ZSCAN5A: variants seen among roughly 807,000 people sequenced by gnomAD.
ZSCAN5A encodes the protein zinc finger and SCAN domain-containing protein 5A.
A neutral mutation model predicts 23.7 loss-of-function variants in ZSCAN5A; 12 were observed. The observed-to-expected ratio is 0.51, with a 90% confidence interval of 0.32 to 0.82. ZSCAN5A has a LOEUF of 0.82. ZSCAN5A is among the 40% of genes least tolerant of loss of function. The probability of loss-of-function intolerance (pLI) is 0.03; values close to 1 mark genes in which losing one functional copy is unlikely to be tolerated. For synonymous variants in ZSCAN5A, 257 were observed against 239.9 expected (o/e 1.07, Z -0.66); for missense variants, 597 against 617.9 (o/e 0.97, Z 0.36).
chr19:56,247,031 G>T lies in ZSCAN5A; in HGVS notation c.-127-21858C>A, dbSNP rs536502028. 1.4e-5 allele frequency: 13 copies of T among 897,068 alleles called. No individual in the cohort carries two copies. In the East Asian group the frequency reaches 2.9e-4, roughly 20 times the overall value. The allele number at this position is 897,068 out of a possible 1,614,324, so 55.6% of individuals were successfully genotyped here. On this transcript the variant is annotated intron_variant, in intron 2 of 5. Coordinates refer to ENST00000683990, the MANE Select transcript of ZSCAN5A (RefSeq NM_001322064.3). ...GCAGGTGCAGTCAGTCACCCCAATG[G>T]CCAAGAAGCCAAGGAACTGCTGCCC...
At chr19:56,349,435 G>A (rs1019146096) in intron 2 of ZSCAN5A, among the ~76,000 whole-genome samples, 4 of 152,098 alleles carry the variant, frequency 2.6e-5, no homozygotes, top group African/African-American at 4.8e-5. Context: ...GGTGGCTCAC[G>A]CCTGTAATCC....
intron 2 of ZSCAN5A, among the ~76,000 whole-genome samples, chr19:56,239,731 T>G (rs1251741400): frequency 6.6e-6 from 1 of 152,268 alleles, no homozygotes. Context: ...TTCAATATAC[T>G]GACATTAATA....
chr19:56,321,665 A>G lies in ZSCAN5A; in HGVS notation c.-357-5397T>C. 3 of 1,237,468 alleles carry G rather than the reference A, an allele frequency of 2.4e-6. No individual in the cohort carries two copies. In the South Asian group the frequency reaches 3.6e-5, roughly 15 times the overall value. The allele number at this position is 1,237,468 out of a possible 1,614,324, so 76.7% of individuals were successfully genotyped here. A position where few individuals can be genotyped will look rare whatever the true frequency, so the allele number is the denominator to read the frequency against. On this transcript the variant is annotated intron_variant, in intron 2 of 6. Coordinates refer to the ZSCAN5A transcript ENST00000587340. The stretch of plus-strand genomic sequence containing the variant: ...GTTATGTCGTCCATCATAGTAGACA[A>G]TTCCTCCTACCAGTTTGTCCTTCTG...
At chr19:56,345,706 A>C (rs1475193854) in intron 2 of ZSCAN5A, among the ~76,000 whole-genome samples, 1 of 152,190 alleles carries the variant, frequency 6.6e-6, no homozygotes, top group Non-Finnish European at 1.5e-5. Flanking sequence ...TCTGGGCAGA[A>C]ACCCACACTG....
At chr19:56,302,178 G>A (rs962481927) in intron 2 of ZSCAN5A, 1 of 1,073,988 alleles carries the variant, frequency 9.3e-7, no homozygotes, top group African/African-American at 1.6e-5. Flanking sequence ...GGAAGCGAAG[G>A]AGGGTGCCTC....
intron 2 of ZSCAN5A, among the ~76,000 whole-genome samples, chr19:56,234,813 G>A (rs2034746891): frequency 6.6e-6 from 1 of 152,212 alleles, no homozygotes; most frequent in Non-Finnish European, 1.5e-5. Flanking sequence ...CTCACTCGTG[G>A]AGCTCGGATT....
rs2040432415 is a variant in ZSCAN5A at position 56,302,782 on chromosome 19, T to C, written c.-128+10501A>G. 3 of 394,598 alleles carry C rather than the reference T, an allele frequency of 7.6e-6. No homozygotes were observed. In the South Asian group the frequency reaches 3.9e-4, roughly 51 times the overall value. The allele number at this position is 394,598 out of a possible 1,614,324, so 24.4% of individuals were successfully genotyped here. The stretch of plus-strand genomic sequence containing the variant: ...GCACTAACACAGCCCCAGGGGCTCC[T>C]TTGAAATACTGTCACTCATTCTGCC... On this transcript the variant is annotated intron_variant, in intron 2 of 5. Transcript: ENST00000683990.
intron 4 of ZSCAN5A, 90 bp from the exon 5 acceptor site, chr19:56,222,831 CTCT>C: frequency 6.4e-7 from 1 of 1,574,330 alleles, no homozygotes; most frequent in South Asian, 1.1e-5. Flanking sequence ...GATGCAACAA[CTCT>C]TCTAATGACA....
At chr19:56,284,119 G>T (rs1368986201) in intron 2 of ZSCAN5A, 1 of 981,986 alleles carries the variant, frequency 1.0e-6, no homozygotes, top group Non-Finnish European at 1.2e-6. Flanking sequence ...TCGTCTTTGT[G>T]ACCTCTTGGG....
chr19:56,336,259 A>G (rs1568757659), intron 2 of ZSCAN5A, among the ~76,000 whole-genome samples: 2 of 152,068 alleles, frequency 1.3e-5, no homozygotes, highest in Non-Finnish European at 2.9e-5. Flanking sequence ...ATAGTCCCAT[A>G]TTTCTTGGAG....
chr19:56,277,592 T>A (rs1211623181), intron 2 of ZSCAN5A, among the ~76,000 whole-genome samples: 1 of 152,028 alleles, frequency 6.6e-6, no homozygotes, highest in Non-Finnish European at 1.5e-5. Context: ...TTGGGGTGAT[T>A]AAAGCCTCTA....
intron 2 of ZSCAN5A, chr19:56,320,357 TC>T: frequency 2.8e-6 from 1 of 352,294 alleles, no homozygotes; most frequent in African/African-American, 2.1e-5. Flanking sequence ...AGAAACCCAA[TC>T]TCTACTAAAA....
rs554546962 is a variant in ZSCAN5A, at chr19:56,352,633, C to T, written c.-358+10602G>A. ...TTTGTAGACAATTATCAAAGTAAGG[C>T]GGTCAGTGGGTGGGAAATTACAAAG... On this transcript the variant is annotated intron_variant, in intron 2 of 6. Coordinates refer to the ZSCAN5A transcript ENST00000587340. The surrounding 1 kb of genome is among the most constrained non-coding windows in gnomAD (Gnocchi z 4.2). 5.3e-5 allele frequency among the ~76,000 whole-genome samples: 8 copies of T among 152,196 alleles called. No individual in the cohort carries two copies. In the South Asian group the frequency reaches 6.2e-4, roughly 12 times the overall value.
chr19:56,276,506 C>CTTCTT (rs1555802032), intron 2 of ZSCAN5A, among the ~76,000 whole-genome samples: 1 of 139,736 alleles, frequency 7.2e-6, no homozygotes, highest in Non-Finnish European at 1.5e-5. Flanking sequence ...CTAAAGAGCT[C>CTTCTT]TTTTTTTTTT....
At chr19:56,353,363 A>G (rs963657721) in intron 2 of ZSCAN5A, among the ~76,000 whole-genome samples, 1 of 152,212 alleles carries the variant, frequency 6.6e-6, no homozygotes, top group Non-Finnish European at 1.5e-5. Flanking sequence ...TATTCTGTGC[A>G]TTAAGACTAT....
intron 2 of ZSCAN5A, among the ~76,000 whole-genome samples, chr19:56,234,321 C>T (rs754082150): frequency 6.6e-6 from 1 of 152,142 alleles, no homozygotes; most frequent in Non-Finnish European, 1.5e-5. Flanking sequence ...AAAGAGAAAA[C>T]GTTTGCAGCC....
At chr19:56,350,640 C>T (rs965642056) in intron 2 of ZSCAN5A, among the ~76,000 whole-genome samples, 2 of 151,994 alleles carry the variant, frequency 1.3e-5, no homozygotes, top group South Asian at 4.1e-4. Context: ...TAATGTACAC[C>T]GACATCTAGT....
At chr19:56,322,899 T>C (rs538100923) in intron 2 of ZSCAN5A, among the ~76,000 whole-genome samples, 12 of 145,416 alleles carry the variant, frequency 8.3e-5, no homozygotes, top group African/African-American at 3.0e-4. Flanking sequence ...TTTCTTTTTT[T>C]TTTTTTTTTT....
At chr19:56,342,779 GAT>G in intron 2 of ZSCAN5A, 1 of 725,138 alleles carries the variant, frequency 1.4e-6, no homozygotes, top group Non-Finnish European at 2.5e-6. Flanking sequence ...CATACACGGA[GAT>G]ACAGAGTACT....
Sources: allele counts gnomAD v4.1 joint callset (sites outside exome capture counted in the v4.1 genomes callset), GRCh38; gene constraint gnomAD v4.1.1; non-coding constraint Gnocchi (gnomAD v3.1); transcripts MANE v1.5; gene names NCBI Gene and HGNC (gene_info 2026-07-23, HGNC 2026-07-21).